Variants in RFX4 observed in about 807,000 individuals in gnomAD.
RFX4 encodes transcription factor RFX4.
Under a neutral mutation model 95.0 loss-of-function variants are expected in RFX4, and 10 were observed. The observed-to-expected ratio is 0.11, with a 90% CI of 0.06 to 0.18. The LOEUF (loss-of-function observed/expected upper bound fraction) is 0.18, where lower values mean the gene tolerates loss of function less well. Among genes scored for constraint, RFX4 ranks in the 10% least tolerant of loss-of-function variants. RFX4 has a pLI of 1.00. For synonymous variants in RFX4, 321 were observed against 340.7 expected, an observed-to-expected ratio of 0.94 and a Z score of 0.64; for missense variants, 640 against 922.0, an observed-to-expected ratio of 0.69 and a Z score of 3.96.
chr12:106,695,555 A>G (rs1394087003), intron 7 of RFX4, among the ~76,000 whole-genome samples: 2 of 152,238 alleles, frequency 1.3e-5, no homozygotes, highest in East Asian at 3.9e-4. Flanking sequence ...ATTAATAGTA[A>G]TAATTGCATT....
intron 1 of RFX4, among the ~76,000 whole-genome samples, chr12:106,594,684 G>A (rs970114118): frequency 2.8e-4 from 42 of 152,058 alleles, no homozygotes; most frequent in African/African-American, 1.0e-3. Flanking sequence ...CTTGAGCGCC[G>A]CTGGGAAAGG....
At chr12:106,607,460 A>G (rs922491652) in intron 1 of RFX4, among the ~76,000 whole-genome samples, 7 of 150,292 alleles carry the variant, frequency 4.7e-5, no homozygotes, top group Non-Finnish European at 1.0e-4. Flanking sequence ...GTTATTATGA[A>G]GTGAGCAGGT....
chr12:106,698,065 C>T (rs573394812), intron 8 of RFX4, among the ~76,000 whole-genome samples: 10 of 151,800 alleles, frequency 6.6e-5, no homozygotes, highest in Middle Eastern at 3.4e-3. Flanking sequence ...CTCTGCCTCC[C>T]GGGTTCAAGT....
chr12:106,613,888 T>C (rs1474588821), intron 2 of RFX4, among the ~76,000 whole-genome samples: 2 of 152,202 alleles, frequency 1.3e-5, no homozygotes, highest in Admixed American at 1.3e-4. Flanking sequence ...AGGAGTAGAA[T>C]TGCTAGATCA....
chr12:106,584,939 C>G (rs959263949), intron 1 of RFX4, among the ~76,000 whole-genome samples: 2 of 152,192 alleles, frequency 1.3e-5, no homozygotes, highest in Non-Finnish European at 2.9e-5. Context: ...GCGTGCCTCT[C>G]CGGACACGGC....
At chr12:106,617,650 C>A (rs2040099595) in intron 2 of RFX4, among the ~76,000 whole-genome samples, 1 of 152,192 alleles carries the variant, frequency 6.6e-6, no homozygotes. Flanking sequence ...TCTGTCCCAA[C>A]ATATAGTCTA....
Position 106,730,818 on chromosome 12 carries a change from T to C in RFX4, c.1352-1312T>C, listed in dbSNP as rs555963462. 2.0e-5 allele frequency among the ~76,000 whole-genome samples: 3 copies of C among 152,212 alleles called. No individual in the cohort carries two copies. The East Asian group carries it at 5.8e-4, about 29-fold the overall frequency. ...GAGTTTTAGACCAACCTGGCCAACA[T>C]GGCGAAACCCATCTCTACTAAAAAT... On this transcript the variant is annotated intron_variant, in intron 13 of 17. Coordinates refer to ENST00000392842, the MANE Select transcript of RFX4 (RefSeq NM_213594.3).
chr12:106,595,116 T>C (rs1348715895), intron 1 of RFX4, among the ~76,000 whole-genome samples: 3 of 152,216 alleles, frequency 2.0e-5, no homozygotes, highest in African/African-American at 7.2e-5. Context: ...TTTATTTAAC[T>C]CACATATTGA....
chr12:106,611,018 A>C (rs2039951807), intron 2 of RFX4, among the ~76,000 whole-genome samples: 1 of 152,158 alleles, frequency 6.6e-6, no homozygotes, highest in Non-Finnish European at 1.5e-5. Flanking sequence ...CATTCTAATG[A>C]ATATAAAATG....
Position 106,720,713 on chromosome 12 carries a change from T to C in RFX4, c.1234-46T>C, listed in dbSNP as rs1011881709. Reference sequence around the variant, plus strand: ...CATTTTTCAAAGAGACAGTAATAAATGAAAGGTCAAGTCGACCACTATTAA... The same window carrying C: ...CATTTTTCAAAGAGACAGTAATAAACGAAAGGTCAAGTCGACCACTATTAA... On this transcript the variant is annotated intron_variant, in intron 12 of 17. Transcript: ENST00000392842. This position sits in a 1 kb window ranked among gnomAD's most constrained non-coding sequence, Gnocchi z 4.2. 6.4e-7 allele frequency: 1 copy of C among 1,563,468 alleles called. No individual in the cohort carries two copies. The highest frequency in any genetic ancestry group is 8.8e-7 in the Non-Finnish European group (1 of 1,134,286).
intron 1 of RFX4, among the ~76,000 whole-genome samples, chr12:106,606,074 A>AAGCTTGGCTT (rs2039826454): frequency 6.6e-6 from 1 of 152,148 alleles, no homozygotes; most frequent in Non-Finnish European, 1.5e-5. Context: ...TGGTTAATAG[A>AAGCTTGGCTT]ACCAGCTTCT....
At chr12:106,733,112 G>A in intron 15 of RFX4, 27 bp downstream of exon 15, 1 of 1,611,402 alleles carries the variant, frequency 6.2e-7, no homozygotes, top group South Asian at 1.1e-5. Flanking sequence ...CAAAAACTTT[G>A]GGTAGTTAAT....
Position 106,639,536 on chromosome 12 carries a change from T to C in RFX4, c.191+144T>C, listed in dbSNP as rs12099865. The C allele has an allele frequency of 4.1e-6, 3 of 736,866 alleles. No individual in the cohort carries two copies. In the South Asian group the frequency reaches 6.6e-5, roughly 16 times the overall value. The allele number at this position is 736,866 out of a possible 1,614,324, so 45.6% of individuals were successfully genotyped here. A position where few individuals can be genotyped will look rare whatever the true frequency, so the allele number is the denominator to read the frequency against. ...TGAAATCTATTTAATTTGCAGTATA[T>C]GTAAAATGCTCAACTAGCCTTAGAT... On this transcript the variant is annotated intron_variant, in intron 3 of 17. Transcript: ENST00000392842.
At chr12:106,756,431 G>A (rs1227247615) in intron 17 of RFX4, among the ~76,000 whole-genome samples, 2 of 152,188 alleles carry the variant, frequency 1.3e-5, no homozygotes, top group African/African-American at 4.8e-5. Context: ...GAAAGGCAGA[G>A]GCCCAGCCTT....
At chr12:106,705,652 A>C (rs1476425328) in intron 8 of RFX4, among the ~76,000 whole-genome samples, 2 of 152,150 alleles carry the variant, frequency 1.3e-5, no homozygotes, top group Non-Finnish European at 2.9e-5. Context: ...TGAGGTAAGC[A>C]AGGGCCTGAA....
chr12:106,658,496 A>G (rs1450411580), intron 4 of RFX4, among the ~76,000 whole-genome samples: 1 of 152,168 alleles, frequency 6.6e-6, no homozygotes, highest in African/African-American at 2.4e-5. Flanking sequence ...TAAAACTTCA[A>G]TCTCACATCT....
chr12:106,662,871 AT>A (rs1336110083), intron 4 of RFX4, among the ~76,000 whole-genome samples: 1 of 151,984 alleles, frequency 6.6e-6, no homozygotes, highest in Non-Finnish European at 1.5e-5. Context: ...AGTTGACTAT[AT>A]TTATGTGGGT....
intron 15 of RFX4, among the ~76,000 whole-genome samples, chr12:106,743,849 C>A (rs966692856): frequency 6.6e-6 from 1 of 152,200 alleles, no homozygotes; most frequent in Non-Finnish European, 1.5e-5. Flanking sequence ...GTCCCAGAGG[C>A]TTCAAGGGTT....
chr12:106,677,799 A>G (rs185345744), intron 4 of RFX4, among the ~76,000 whole-genome samples: 32 of 152,294 alleles, frequency 2.1e-4, no homozygotes, highest in African/African-American at 5.8e-4. Flanking sequence ...CCAGGCAGTG[A>G]GAGATCACAG....
Sources: allele counts gnomAD v4.1 joint callset (sites outside exome capture counted in the v4.1 genomes callset), GRCh38; gene constraint gnomAD v4.1.1; non-coding constraint Gnocchi (gnomAD v3.1); transcripts MANE v1.5; gene names NCBI Gene and HGNC (gene_info 2026-07-23, HGNC 2026-07-21).